RUNX1: variants seen among roughly 807,000 people sequenced by gnomAD.
The protein encoded by RUNX1 is RUNX family transcription factor 1, also known as runt-related transcription factor 1.
Under a neutral mutation model 42.8 loss-of-function variants are expected in RUNX1, and 19 were observed. That is an observed-to-expected ratio of 0.44 (90% CI 0.31 to 0.65). RUNX1 has a LOEUF of 0.65. RUNX1 is among the 30% of genes least tolerant of loss of function. The pLI, the probability that RUNX1 is intolerant of heterozygous loss-of-function variation, is 0.07. For missense variants in RUNX1, 528 were observed against 672.0 expected, an observed-to-expected ratio of 0.79 and a Z score of 2.37; for synonymous variants, 271 against 289.4, an observed-to-expected ratio of 0.94 and a Z score of 0.64.
intron 2 of RUNX1, among the ~76,000 whole-genome samples, chr21:34,982,632 C>T (rs138710816): frequency 5.9e-5 from 9 of 152,218 alleles, no homozygotes; most frequent in South Asian, 2.1e-4. Flanking sequence ...TGTAGTGGCG[C>T]GATCTTGGCT....
At chr21:34,944,675 TGAATGGCA>T (rs1415913269) in intron 2 of RUNX1, among the ~76,000 whole-genome samples, 2 of 152,130 alleles carry the variant, frequency 1.3e-5, no homozygotes, top group Non-Finnish European at 2.9e-5. Context: ...TGCTGCAGTG[TGAATGGCA>T]GAATTGGGGA....
At chr21:34,973,898 G>T (rs2058780608) in intron 2 of RUNX1, among the ~76,000 whole-genome samples, 2 of 151,858 alleles carry the variant, frequency 1.3e-5, no homozygotes, top group South Asian at 4.1e-4. Context: ...CACATTGAGG[G>T]GAAAATTGAG....
At chr21:35,048,706 G>A in intron 2 of RUNX1, 136 bp downstream of exon 2, 1 of 786,806 alleles carries the variant, frequency 1.3e-6, no homozygotes, top group Admixed American at 1.7e-5. Flanking sequence ...ATATGCCTCA[G>A]TTTGAATTCC....
rs1451962358 is a variant in RUNX1 at position 34,907,443 on chromosome 21, T to C, written c.59-14480A>G. Among the ~76,000 whole-genome samples the C allele has an allele frequency of 6.6e-6, 1 of 151,986 alleles. No homozygotes were observed. The highest frequency in any genetic ancestry group is 2.4e-5 in the African/African-American group (1 of 41,246). On this transcript the variant is annotated intron_variant, in intron 2 of 8. Coordinates refer to ENST00000675419, the MANE Select transcript of RUNX1 (RefSeq NM_001754.5). This position sits in a 1 kb window ranked among gnomAD's most constrained non-coding sequence, Gnocchi z 5.3. ...CATCAGTAGTAAGGGTGAATACTGC[T>C]TCCTGAAGCTCTTTTTTTGATTGAT...
intron 2 of RUNX1, among the ~76,000 whole-genome samples, chr21:34,917,956 CT>C (rs2146543407): frequency 6.6e-6 from 1 of 151,988 alleles, no homozygotes; most frequent in East Asian, 1.9e-4. Context: ...TGGTGAAACC[CT>C]GTCTCTACTA....
chr21:34,821,068 G>A (rs753669325), intron 7 of RUNX1, among the ~76,000 whole-genome samples: 23 of 152,270 alleles, frequency 1.5e-4, no homozygotes, highest in Middle Eastern at 3.4e-3. Context: ...GTTATGGGAA[G>A]GTCTCCTGTT....
At chr21:35,035,134 G>A (rs2059298425) in intron 2 of RUNX1, among the ~76,000 whole-genome samples, 1 of 152,172 alleles carries the variant, frequency 6.6e-6, no homozygotes, top group African/African-American at 2.4e-5. Context: ...ATCAAATCAG[G>A]GTGGAAAGGA....
intron 2 of RUNX1, among the ~76,000 whole-genome samples, chr21:34,955,222 G>C (rs2058635978): frequency 6.6e-6 from 1 of 152,016 alleles, no homozygotes; most frequent in Admixed American, 6.6e-5. Flanking sequence ...TTGTGGGTGG[G>C]AGGAAGTCTA....
chr21:34,805,935 T>C (rs2056672812), intron 7 of RUNX1, among the ~76,000 whole-genome samples: 2 of 152,190 alleles, frequency 1.3e-5, no homozygotes, highest in South Asian at 2.1e-4. Flanking sequence ...AGATTAGTTA[T>C]ACATGTACTT....
At chr21:34,887,241 G>GA in intron 3 of RUNX1, 145 bp from the exon 4 acceptor site, 2 of 968,568 alleles carry the variant, frequency 2.1e-6, no homozygotes, top group East Asian at 5.5e-5. Context: ...ACTGCGGGGG[G>GA]TGGGGGGGGG....
intron 2 of RUNX1, among the ~76,000 whole-genome samples, chr21:34,982,691 T>C (rs1260987499): frequency 6.6e-6 from 1 of 152,136 alleles, no homozygotes. Context: ...TGCCTTAGCC[T>C]CCTGAGTAGC....
At chr21:34,993,645 GCACACACACACAGA>G (rs1569141814) in intron 2 of RUNX1, among the ~76,000 whole-genome samples, 1 of 14,572 alleles carries the variant, frequency 6.9e-5, no homozygotes, top group Admixed American at 7.9e-4. Context: ...ACACACACAG[GCACACACACACAGA>G]CACACAGAGA....
chr21:34,900,116 T>A (rs1383984702), intron 2 of RUNX1, among the ~76,000 whole-genome samples: 8 of 152,256 alleles, frequency 5.3e-5, no homozygotes, highest in African/African-American at 1.9e-4. Flanking sequence ...GCAAAATAAA[T>A]TTTAATATGT....
intron 2 of RUNX1, among the ~76,000 whole-genome samples, chr21:34,935,153 G>A (rs1013000722): frequency 1.1e-4 from 17 of 152,142 alleles, no homozygotes; most frequent in Admixed American, 6.5e-5. Context: ...AAAATAATCT[G>A]TCACTCATGC....
intron 2 of RUNX1, among the ~76,000 whole-genome samples, chr21:34,974,359 C>CA (rs1330189191): frequency 6.7e-6 from 1 of 150,274 alleles, no homozygotes; most frequent in Non-Finnish European, 1.5e-5. Flanking sequence ...GAAACGAGGG[C>CA]AAGCTTTGCA....
intron 2 of RUNX1, among the ~76,000 whole-genome samples, chr21:34,910,564 G>A (rs908841322): frequency 6.6e-6 from 1 of 152,020 alleles, no homozygotes; most frequent in Non-Finnish European, 1.5e-5. Flanking sequence ...AGAAAGCCTC[G>A]CTCTTCCCCA....
chr21:34,852,169 AAAAAC>A (rs3831802), intron 6 of RUNX1, among the ~76,000 whole-genome samples: 24,498 of 150,984 alleles, frequency 0.16, 2,583 homozygotes, highest in East Asian at 0.43. Flanking sequence ...CTCTGTCTCA[AAAAAC>A]AAAACAAAAC....
chr21:34,807,120 C>A (rs893077939), intron 7 of RUNX1, among the ~76,000 whole-genome samples: 85 of 151,882 alleles, frequency 5.6e-4, no homozygotes, highest in Admixed American at 5.4e-3. Context: ...AGACTAGGAA[C>A]CAGTGAAATT....
chr21:34,864,471 T>C (rs1341969597), intron 5 of RUNX1, among the ~76,000 whole-genome samples: 1 of 152,196 alleles, frequency 6.6e-6, no homozygotes, highest in Non-Finnish European at 1.5e-5. Context: ...GTGTTTCTGT[T>C]GGCAGCCTGG....
Sources: allele counts gnomAD v4.1 joint callset (sites outside exome capture counted in the v4.1 genomes callset), GRCh38; gene constraint gnomAD v4.1.1; non-coding constraint Gnocchi (gnomAD v3.1); transcripts MANE v1.5; gene names NCBI Gene and HGNC (gene_info 2026-07-23, HGNC 2026-07-21).